The following ZNF652 variants were observed in gnomAD, a reference collection of about 807,000 sequenced individuals.
ZNF652 encodes the protein zinc finger protein 652.
In ZNF652, 16 loss-of-function variants were observed where a neutral mutation model predicts 45.2. The ratio of observed to expected loss-of-function variants is 0.35; its 90% CI spans 0.24 to 0.54. The LOEUF (loss-of-function observed/expected upper bound fraction) is 0.54. Ranked by LOEUF, ZNF652 falls within the 20% of genes least tolerant of loss-of-function variation. The probability of loss-of-function intolerance (pLI) is 0.91; values close to 1 mark genes in which losing one functional copy is unlikely to be tolerated. For synonymous variants in ZNF652, 250 were observed against 260.6 expected (o/e 0.96, Z 0.39); for missense variants, 614 against 765.6 (o/e 0.80, Z 2.34).
chr17:49,352,747 C>T (rs964378449), intron 1 of ZNF652, among the ~76,000 whole-genome samples: 1 of 152,092 alleles, frequency 6.6e-6, no homozygotes, highest in Non-Finnish European at 1.5e-5. Context: ...CAAATGGTTA[C>T]GAATGTACGT....
rs566761899 is a variant in ZNF652, at chr17:49,303,197, TTATCTC to T, written c.1310-4279_1310-4274del. 3.2e-4 allele frequency among the ~76,000 whole-genome samples: 48 copies of T among 151,312 alleles called. No homozygotes were observed. In the East Asian group the frequency reaches 7.2e-3, roughly 23 times the overall value. On this transcript the variant is annotated intron_variant, in intron 5 of 5. Transcript: ENST00000430262. ...AAAATACAACAAATGTTACCAGTGATTATCTCTAGGTAATAAGATCATGGGTGATGT... is the reference window on the plus strand; with the variant it reads ...AAAATACAACAAATGTTACCAGTGATTAGGTAATAAGATCATGGGTGATGT...
intron 1 of ZNF652, among the ~76,000 whole-genome samples, chr17:49,356,635 G>A (rs1307357837): frequency 2.6e-5 from 4 of 151,452 alleles, no homozygotes; most frequent in African/African-American, 4.9e-5. Context: ...CAAAATCTAA[G>A]GTGAGTCAAA....
chr17:49,304,200 C>T (rs753554960), intron 5 of ZNF652, among the ~76,000 whole-genome samples: 4 of 151,114 alleles, frequency 2.6e-5, no homozygotes, highest in Non-Finnish European at 5.9e-5. Context: ...ACACCTGGCC[C>T]TCATTTGTAG....
At chr17:49,334,819 C>A (rs1347242075) in intron 1 of ZNF652, among the ~76,000 whole-genome samples, 7 of 149,592 alleles carry the variant, frequency 4.7e-5, no homozygotes, top group African/African-American at 1.7e-4. Flanking sequence ...ATATGTGGTA[C>A]AAGATGGAAA....
At chr17:49,361,598 C>T (rs2070395109) in intron 1 of ZNF652, among the ~76,000 whole-genome samples, 1 of 152,186 alleles carries the variant, frequency 6.6e-6, no homozygotes, top group South Asian at 2.1e-4. Flanking sequence ...CCCGTGCCGC[C>T]CCAGCCTCCC....
Position 49,311,405 on chromosome 17 carries a change from T to C in ZNF652, c.1216A>G (p.Ile406Val), listed in dbSNP as rs773701502. The C allele has an allele frequency of 1.2e-6, 2 of 1,614,072 alleles. No homozygotes were observed. The highest frequency in any genetic ancestry group is 1.7e-6 in the Non-Finnish European group (2 of 1,180,016). Residue 406 changes from isoleucine (I) to valine (V), a missense_variant, in exon 5 of 6, where the codon ATT becomes GTT. Ile to Val is a conservative substitution (Grantham distance 29). Transcript: ENST00000430262. ...YKYQLRSHMS[I>V]HIGHKQFMCQ... The stretch of plus-strand genomic sequence containing the variant: ...ATGAACTGTTTGTGCCCAATATGAA[T>C]GCTCATGTGGGAGCGTAGCTGGTAC...
At chr17:49,313,725 C>A (rs1489281555) in intron 2 of ZNF652, among the ~76,000 whole-genome samples, 1 of 151,616 alleles carries the variant, frequency 6.6e-6, no homozygotes, top group Admixed American at 6.6e-5. Flanking sequence ...ATAATCCCAG[C>A]ATTTCGGGAG....
At position 49,317,495 on chromosome 17, in the gene ZNF652, T is replaced by C; in HGVS notation, c.231A>G (p.Glu77=). The part of the protein sequence containing the change: ...MSKPHLHETE[E]QPYFRETRAV... ...CTCTTGTCTCCCTGAAATATGGCTG[T>C]TCTTCTGTTTCATGGAGATGCGGTT... The change falls in exon 2 of 6, where the codon GAA becomes GAG. Residue 77 remains glutamate (E), a synonymous_variant. Coordinates refer to ENST00000430262, the MANE Select transcript of ZNF652 (RefSeq NM_001145365.3). 3 of 1,614,062 alleles carry C rather than the reference T, an allele frequency of 1.9e-6. No individual in the cohort carries two copies. In the South Asian group the frequency reaches 3.3e-5, roughly 18 times the overall value.
In ZNF652 at chr17:49,348,053, A is replaced by T. The variant is rs539113898; in HGVS notation, c.-259+13856T>A. 5.0e-3 allele frequency among the ~76,000 whole-genome samples: 755 copies of T among 152,126 alleles called. 2 individuals carry two copies. The highest frequency in any genetic ancestry group is 0.014 in the Middle Eastern group (4 of 294). On this transcript the variant is annotated intron_variant, in intron 1 of 5. Transcript: ENST00000430262. Reference sequence around the variant, plus strand: ...GAGCCACCACACCCTACCAAACCTTAATCTTATCAAGCCTATAGATCTAAA... The same window carrying T: ...GAGCCACCACACCCTACCAAACCTTTATCTTATCAAGCCTATAGATCTAAA...
At chr17:49,307,038 C>T (rs543036917) in intron 5 of ZNF652, among the ~76,000 whole-genome samples, 1 of 152,192 alleles carries the variant, frequency 6.6e-6, no homozygotes, top group African/African-American at 2.4e-5. Context: ...CAGGTGTGAG[C>T]CACTGTGCCT....
chr17:49,317,078 A>G lies in ZNF652; in HGVS notation c.648T>C (p.Ser216=), dbSNP rs1488927920. Residue 216 remains serine (S), a synonymous_variant, in exon 2 of 6, where the codon AGT becomes AGC. Transcript: ENST00000430262. The part of the protein sequence containing the change: ...TPRTTRGRRK[S]VEPPKRKKRA... Reference sequence around the variant, plus strand: ...GCTTCTTACGCTTAGGTGGCTCTACACTCTTCCTACGACCTCTTGTAGTTC... The same window carrying G: ...GCTTCTTACGCTTAGGTGGCTCTACGCTCTTCCTACGACCTCTTGTAGTTC... The G allele has an allele frequency of 1.9e-6, 3 of 1,613,140 alleles. No homozygotes were observed. Among genetic ancestry groups the G allele is most frequent in the Admixed American group, 1.7e-5 (1 of 59,906 alleles).
intron 5 of ZNF652, among the ~76,000 whole-genome samples, chr17:49,310,880 T>A (rs903675112): frequency 6.6e-6 from 1 of 152,094 alleles, no homozygotes; most frequent in African/African-American, 2.4e-5. Context: ...CCAGCCTGGA[T>A]AATGGAAAAG....
intron 1 of ZNF652, among the ~76,000 whole-genome samples, chr17:49,348,214 T>G (rs963460503): frequency 6.6e-6 from 1 of 152,012 alleles, no homozygotes; most frequent in Non-Finnish European, 1.5e-5. Context: ...GCAAGGAGGC[T>G]GCGCATGGTG....
intron 1 of ZNF652, among the ~76,000 whole-genome samples, chr17:49,319,898 T>A (rs896943133): frequency 2.0e-5 from 3 of 152,200 alleles, no homozygotes; most frequent in Non-Finnish European, 2.9e-5. Flanking sequence ...ATAATCATTT[T>A]AAAAATTCAT....
Position 49,326,066 on chromosome 17 carries a change from C to A in ZNF652, c.-258-8083G>T, listed in dbSNP as rs189609617. Among the ~76,000 whole-genome samples, 360 of 151,790 alleles carry A rather than the reference C, an allele frequency of 2.4e-3. 1 individual carries two copies. Among genetic ancestry groups the A allele is most frequent in the Non-Finnish European group, 4.6e-3 (310 of 67,942 alleles). On this transcript the variant is annotated intron_variant, in intron 1 of 5. Transcript: ENST00000430262. ...GCAGTATAGCAGAAACATCTGTACT[C>A]AAAATTAAGTCAAGGAAGAAGTATG...
chr17:49,299,891 GCCCAGGCTGGTCTTGAA>G (rs1413960184), intron 5 of ZNF652, among the ~76,000 whole-genome samples: 1 of 133,414 alleles, frequency 7.5e-6, no homozygotes, highest in African/African-American at 2.8e-5. Flanking sequence ...TCGGAATTTT[GCCCAGGCTGGTCTTGAA>G]CCCATGGGCT....
At chr17:49,350,118 T>C (rs2070254259) in intron 1 of ZNF652, among the ~76,000 whole-genome samples, 1 of 152,138 alleles carries the variant, frequency 6.6e-6, no homozygotes, top group South Asian at 2.1e-4. Flanking sequence ...CCAATGTCAG[T>C]TCCTTAGTTT....
At position 49,321,080 on chromosome 17, in the gene ZNF652, T is replaced by A. The variant is rs116890317; in HGVS notation, c.-258-3097A>T. On this transcript the variant is annotated intron_variant, in intron 1 of 5. Transcript: ENST00000430262. ...CTGTAGTTAGATGGGGCCCTGTGAC[T>A]ACTTCTGGTCAGCATATTATGAGAA... 8.2e-3 allele frequency among the ~76,000 whole-genome samples: 1,242 copies of A among 152,310 alleles called. 9 individuals carry two copies. The highest frequency in any genetic ancestry group is 0.013 in the Non-Finnish European group (901 of 68,026).
In ZNF652 at chr17:49,317,445, T is replaced by G. The variant is rs748592286; in HGVS notation, c.281A>C (p.Lys94Thr). 2.5e-6 allele frequency: 4 copies of G among 1,614,084 alleles called. No homozygotes were observed. The Admixed American group carries it at 5.0e-5, about 20-fold the overall frequency. Residue 94 changes from lysine (K) to threonine (T), a missense_variant, in exon 2 of 6, where the codon AAG becomes ACG. Physicochemically the swap from Lys to Thr is moderately conservative, Grantham distance 78. This residue lies in a region of ZNF652 where 133 missense variants were observed against 132.2 expected (regional missense o/e 1.01). Coordinates refer to ENST00000430262, the MANE Select transcript of ZNF652 (RefSeq NM_001145365.3). ...GTCATCAGAATTCTCCCGGTCTTCC[T>G]TAACAGCATGCACGTCAGACACTGC... ...TRAVSDVHAV[K>T]EDRENSDDTE...
Sources: gnomAD v4.1 joint callset for allele counts (sites outside exome capture counted in the v4.1 genomes callset) on GRCh38, gnomAD v4.1.1 for gene constraint, gnomAD v4.1.1 regional missense constraint, MANE v1.5 for transcripts, NCBI Gene and HGNC (gene_info 2026-07-23, HGNC 2026-07-21) for gene names.